Variants in PRSS3 observed in about 807,000 individuals in gnomAD.
PRSS3 encodes the protein serine protease 3.
In PRSS3, 14 loss-of-function variants were observed where a neutral mutation model predicts 20.8. That is an observed-to-expected ratio of 0.67 (90% CI 0.44 to 1.05). The LOEUF is 1.05. Ranked by LOEUF, PRSS3 falls within the 50% of genes least tolerant of loss-of-function variation. PRSS3 has a pLI of 0.00. For missense variants in PRSS3, 237 were observed against 306.4 expected (o/e 0.77, Z 1.69); for synonymous variants, 91 against 117.6 (o/e 0.77, Z 1.46).
intron 1 of PRSS3, among the ~76,000 whole-genome samples, chr9:33,771,114 C>T (rs1047476109): frequency 6.6e-6 from 1 of 152,162 alleles, no homozygotes; most frequent in Non-Finnish European, 1.5e-5. Context: ...AGATCCTGCT[C>T]TCACCCAGGC....
upstream of PRSS3, chr9:33,794,680 C>T (rs562896868): frequency 5.4e-5 from 79 of 1,476,398 alleles, no homozygotes; most frequent in South Asian, 9.4e-4. Context: ...TGATCAGGGG[C>T]ATGTCATTCT....
intron 1 of PRSS3, among the ~76,000 whole-genome samples, chr9:33,764,041 G>GT (rs1587373324): frequency 6.6e-6 from 1 of 152,294 alleles, no homozygotes; most frequent in East Asian, 1.9e-4. Context: ...CTGATTCACA[G>GT]TTTGAGCTGG....
At chr9:33,790,589 A>C (rs10971705), upstream of PRSS3, among the ~76,000 whole-genome samples, 8,738 of 152,204 alleles carry the variant, frequency 0.057, 855 homozygotes, top group African/African-American at 0.2. Context: ...CTCTACGTAA[A>C]AGCACTTCAG....
At chr9:33,776,927 T>C (rs1484654995) in intron 1 of PRSS3, among the ~76,000 whole-genome samples, 1 of 152,068 alleles carries the variant, frequency 6.6e-6, no homozygotes, top group Non-Finnish European at 1.5e-5. Flanking sequence ...AAAAGCCTAA[T>C]TAAAAAGTAT....
chr9:33,759,299 C>T (rs1244339323), intron 1 of PRSS3, among the ~76,000 whole-genome samples: 3 of 152,156 alleles, frequency 2.0e-5, no homozygotes, highest in East Asian at 1.9e-4. Flanking sequence ...GTCAGATATA[C>T]ACGGAAGGTG....
chr9:33,779,880 AAAAAAAAAAAAAAAAACCTCTAAC>A (rs1290254485), intron 1 of PRSS3, among the ~76,000 whole-genome samples: 1 of 149,736 alleles, frequency 6.7e-6, no homozygotes, highest in Non-Finnish European at 1.5e-5. Flanking sequence ...AAAAAAAAAA[AAAAAAAAAAAAAAAAACCTCTAAC>A]AAATATAGGA....
At chr9:33,762,459 C>T (rs1328154648) in intron 1 of PRSS3, among the ~76,000 whole-genome samples, 6 of 152,170 alleles carry the variant, frequency 3.9e-5, no homozygotes, top group Non-Finnish European at 8.8e-5. Flanking sequence ...ACACAGAACC[C>T]TCTGCATCCC....
At chr9:33,789,027 C>T (rs2119049282) in intron 1 of PRSS3, among the ~76,000 whole-genome samples, 1 of 152,210 alleles carries the variant, frequency 6.6e-6, no homozygotes, top group East Asian at 1.9e-4. Context: ...ATATGAGTGG[C>T]CATTTTTGAA....
chr9:33,773,973 G>C (rs148414534), intron 1 of PRSS3, among the ~76,000 whole-genome samples: 1 of 152,122 alleles, frequency 6.6e-6, no homozygotes, highest in African/African-American at 2.4e-5. Flanking sequence ...TTTCCTATTC[G>C]TAAGTTTGTC....
intron 1 of PRSS3, among the ~76,000 whole-genome samples, chr9:33,784,080 A>G (rs1563964036): frequency 6.6e-6 from 1 of 152,220 alleles, no homozygotes; most frequent in Non-Finnish European, 1.5e-5. Flanking sequence ...TAAACACATT[A>G]AAATTAAATG....
intron 1 of PRSS3, among the ~76,000 whole-genome samples, chr9:33,764,909 C>T (rs1241003796): frequency 6.6e-6 from 1 of 152,154 alleles, no homozygotes; most frequent in Non-Finnish European, 1.5e-5. Context: ...TGAAAAGATG[C>T]TCAACATCAC....
At chr9:33,792,783 G>A (rs1198586281), upstream of PRSS3, among the ~76,000 whole-genome samples, 1 of 152,198 alleles carries the variant, frequency 6.6e-6, no homozygotes, top group Admixed American at 6.5e-5. Flanking sequence ...GTTACATGCT[G>A]TATAGTAACA....
chr9:33,765,545 A>C (rs192945492), intron 1 of PRSS3, among the ~76,000 whole-genome samples: 1 of 152,312 alleles, frequency 6.6e-6, no homozygotes, highest in East Asian at 1.9e-4. Context: ...CATTAGGTAA[A>C]ACAAGGGTTA....
intron 1 of PRSS3, among the ~76,000 whole-genome samples, chr9:33,771,643 TTG>T (rs1554665558): frequency 0.16 from 19,458 of 119,132 alleles, 2,188 homozygotes; most frequent in East Asian, 0.45. Context: ...TTTTGTTTTT[TTG>T]TTTTTTTTTT....
chr9:33,764,726 A>G (rs1479850297), intron 1 of PRSS3, among the ~76,000 whole-genome samples: 1 of 152,224 alleles, frequency 6.6e-6, no homozygotes, highest in Non-Finnish European at 1.5e-5. Context: ...CTTCAAGGAC[A>G]GCATCAAGAA....
At chr9:33,785,159 A>AATTTTTTTTTTT in intron 1 of PRSS3, among the ~76,000 whole-genome samples, 2 of 100,624 alleles carry the variant, frequency 2.0e-5, no homozygotes, top group African/African-American at 9.1e-5. Flanking sequence ...CATTGTGGTC[A>AATTTTTTTTTTT]ATTTTTTTTT....
At chr9:33,798,367 C>T (rs796766129) in intron 3 of PRSS3, 119 bp from the exon 4 acceptor site, 33 of 1,248,656 alleles carry the variant, frequency 2.6e-5, no homozygotes, top group Admixed American at 7.1e-5. Flanking sequence ...CCAGAACTTA[C>T]GTTTTGGAGT....
chr9:33,764,142 A>C (rs1258715963), intron 1 of PRSS3, among the ~76,000 whole-genome samples: 1 of 152,240 alleles, frequency 6.6e-6, no homozygotes, highest in African/African-American at 2.4e-5. Flanking sequence ...CAATAGGGAA[A>C]AAGAATAGTC....
At chr9:33,775,212 C>T (rs1421856803) in intron 1 of PRSS3, among the ~76,000 whole-genome samples, 14 of 152,214 alleles carry the variant, frequency 9.2e-5, no homozygotes, top group Admixed American at 6.5e-5. Flanking sequence ...GATCTTTAGG[C>T]AAGTAGGAGA....
Sources: gnomAD v4.1 joint callset for allele counts (sites outside exome capture counted in the v4.1 genomes callset) on GRCh38, gnomAD v4.1.1 for gene constraint, MANE v1.5 for transcripts, NCBI Gene and HGNC (gene_info 2026-07-23, HGNC 2026-07-21) for gene names.